Variants in NEU4 observed in about 807,000 individuals in gnomAD.
NEU4 encodes sialidase-4.
Under a neutral mutation model 9.9 loss-of-function variants are expected in NEU4, and 7 were observed. That is an observed-to-expected ratio of 0.71 (90% CI 0.40 to 1.33). NEU4 has a LOEUF of 1.33. Among genes scored for constraint, NEU4 ranks in the 40% most tolerant of loss-of-function variants. The pLI is 0.01. For missense variants in NEU4, 717 were observed against 712.6 expected, an observed-to-expected ratio of 1.01 and a Z score of -0.07; for synonymous variants, 348 against 316.9, an observed-to-expected ratio of 1.10 and a Z score of -1.04.
chr2:241,813,374 G>GC, intron 1 of NEU4: 1 of 1,045,244 alleles, frequency 9.6e-7, no homozygotes, highest in Non-Finnish European at 1.2e-6. Flanking sequence ...TGGGCGGCTG[G>GC]CCGTGGATCT....
At chr2:241,815,678 C>A in intron 3 of NEU4, 2 of 529,754 alleles carry the variant, frequency 3.8e-6, no homozygotes, top group South Asian at 3.6e-5. Flanking sequence ...TTCCCTCCAC[C>A]CCATCCTCTG....
At chr2:241,812,119 C>T (rs921720012) in intron 1 of NEU4, 3 of 144,372 alleles carry the variant, frequency 2.1e-5, no homozygotes, top group Non-Finnish European at 4.4e-5. Flanking sequence ...GTGTGCGGAC[C>T]CCAGAGGGTG....
rs1700037803 is a variant in NEU4, at chr2:241,809,194, C to T, written c.-84C>T. ...GGCGTGGACTCTGCCCTCAGCTTCA[C>T]AGTCACCGAAGAAATGAAGTTACAG... On this transcript the variant is annotated 5_prime_UTR_variant, in exon 1 of 4. Coordinates refer to ENST00000407683, the MANE Select transcript of NEU4 (RefSeq NM_001167600.3). 9 of 1,285,584 alleles carry T rather than the reference C, an allele frequency of 7.0e-6. No individual in the cohort carries two copies. Among genetic ancestry groups the T allele is most frequent in the Non-Finnish European group, 9.1e-6 (9 of 986,808 alleles). 79.6% of individuals were successfully genotyped at this position (1,285,584 alleles called of 1,614,324 possible). A position where few individuals can be genotyped will look rare whatever the true frequency, so the allele number is the denominator to read the frequency against.
At chr2:241,811,440 T>C (rs1306707580) in intron 1 of NEU4, 2 of 1,570,196 alleles carry the variant, frequency 1.3e-6, no homozygotes, top group South Asian at 2.3e-5. Flanking sequence ...TGATGAGCTC[T>C]GCAGCCTTCC....
In NEU4 at chr2:241,814,948, C is replaced by A. The variant is rs144006230; in HGVS notation, c.258C>A (p.Asn86Lys). ...TAALAEHRSMNPCPVHDAGTG... is the reference protein window; with the variant it reads ...TAALAEHRSMKPCPVHDAGTG... ...CCCTGGCGGAGCACCGGTCCATGAA[C>A]CCCTGCCCTGTGCACGATGCTGGCA... The change falls in exon 3 of 4, where the codon AAC becomes AAA. Residue 86 changes from asparagine (N) to lysine (K), a missense_variant. Physicochemically the swap from Asn to Lys is moderately conservative, Grantham distance 94. Transcript: ENST00000407683. 7 of 1,611,936 alleles carry A rather than the reference C, an allele frequency of 4.3e-6. No homozygotes were observed. The highest frequency in any genetic ancestry group is 1.3e-5 in the African/African-American group (1 of 74,918).
At chr2:241,813,357 C>A (rs1700189557) in intron 1 of NEU4, 2 of 1,051,620 alleles carry the variant, frequency 1.9e-6, no homozygotes, top group African/African-American at 1.7e-5. Context: ...GCCCCGTGTG[C>A]CCGGCCTGGG....
At chr2:241,809,365 C>T (rs34748986) in intron 1 of NEU4, 91 bp downstream of exon 1, 190,596 of 672,914 alleles carry the variant, frequency 0.28, 30,673 homozygotes, top group Non-Finnish European at 0.34. Flanking sequence ...ACAGCCTGTC[C>T]GGGCTGTGCA....
At position 241,817,079 on chromosome 2, in the gene NEU4, G is replaced by A; in HGVS notation, c.*31G>A. ...CTTCTGGCCGTGCCCATGCCCCTTG[G>A]GTGCCTGGGGCAGAGGGGTGGAATA... On this transcript the variant is annotated 3_prime_UTR_variant, in exon 4 of 4. Transcript: ENST00000407683. 6.5e-7 allele frequency: 1 copy of A among 1,527,276 alleles called. No individual in the cohort carries two copies. The highest frequency in any genetic ancestry group is 1.3e-5 in the South Asian group (1 of 76,768). 94.6% of individuals were successfully genotyped at this position (1,527,276 alleles called of 1,614,324 possible).
rs145897893 is a variant in NEU4 at position 241,816,884 on chromosome 2, G to T, written c.1291G>T (p.Gly431Trp). ...GGCGTCCATCGGGCCGGCCCCTGAG[G>T]GGGGCCTGGTTTTTGCCTGCCTGTA... is the stretch of plus-strand genomic sequence containing the variant. ...DLASIGPAPE[G>W]GLVFACLYES... Residue 431 changes from glycine (G) to tryptophan (W), a missense_variant, in exon 4 of 4, where the codon GGG becomes TGG. Transcript: ENST00000407683. 2.5e-6 allele frequency: 4 copies of T among 1,612,648 alleles called. No individual in the cohort carries two copies. The highest frequency in any genetic ancestry group is 3.3e-5 in the Admixed American group (2 of 59,982).
rs2293764 is a variant in NEU4 at position 241,816,853 on chromosome 2, C to T, written c.1260C>T (p.Ser420=). The T allele has an allele frequency of 0.14, 230,267 of 1,611,222 alleles. 18,606 individuals are homozygous for T. The highest frequency in any genetic ancestry group is 0.28 in the African/African-American group (21,249 of 74,994). The change falls in exon 4 of 4, where the codon TCC becomes TCT. Residue 420 remains serine, a synonymous_variant. Transcript: ENST00000407683. Reference sequence around the variant, plus strand: ...TCTACGAGGGCCCCAGCGGCTACTCCGACCTGGCGTCCATCGGGCCGGCCC... The same window carrying T: ...TCTACGAGGGCCCCAGCGGCTACTCTGACCTGGCGTCCATCGGGCCGGCCC... ...WVIYEGPSGY[S]DLASIGPAPE...
Position 241,814,547 on chromosome 2 carries a change from C to T in NEU4, c.63C>T (p.Thr21=), listed in dbSNP as rs769726332. 1.2e-6 allele frequency: 2 copies of T among 1,612,762 alleles called. No individual in the cohort carries two copies. The highest frequency in any genetic ancestry group is 1.1e-5 in the South Asian group (1 of 91,068). The stretch of plus-strand genomic sequence containing the variant: ...TCGAGCGGGAGAGGACGGGCCTGAC[C>T]TACCGCGTGCCCTCGCTGCTCCCCG... ...VLFERERTGL[T]YRVPSLLPVP... The change falls in exon 2 of 4, where the codon ACC becomes ACT. Residue 21 remains threonine, a synonymous_variant. Transcript: ENST00000407683.
At chr2:241,815,837 G>A (rs192274762) in intron 3 of NEU4, 7 of 605,662 alleles carry the variant, frequency 1.2e-5, no homozygotes, top group African/African-American at 1.9e-5. Flanking sequence ...CCTGGGTGCC[G>A]TCCACCTGGG....
At chr2:241,815,953 GGCACCA>G in intron 3 of NEU4, 92 bp from the exon 4 acceptor site, 1 of 1,238,404 alleles carries the variant, frequency 8.1e-7, no homozygotes, top group Non-Finnish European at 1.1e-6. Context: ...CCTAACCCGA[GGCACCA>G]GCCCCTCCTT....
At chr2:241,815,182 A>C (rs1198580984) in intron 3 of NEU4, 35 bp downstream of exon 3, 1 of 1,504,540 alleles carries the variant, frequency 6.6e-7, no homozygotes, top group African/African-American at 1.4e-5. Context: ...GGTCCCTTTG[A>C]TTGGCCACGG....
chr2:241,816,837 G>A lies in NEU4; in HGVS notation c.1244G>A (p.Gly415Asp). ...ACAGAGCCCTGGGTGATCTACGAGG[G>A]CCCCAGCGGCTACTCCGACCTGGCG... ...SWTEPWVIYE[G>D]PSGYSDLASI... The change falls in exon 4 of 4, where the codon GGC (glycine) becomes GAC (aspartate). Residue 415 changes from glycine (G) to aspartate (D), a missense_variant. Gly to Asp is a moderately conservative substitution (Grantham distance 94). Transcript: ENST00000407683. 1 of 1,610,952 alleles carries A rather than the reference G, an allele frequency of 6.2e-7. No individual in the cohort carries two copies.
At chr2:241,811,183 C>T (rs924501202) in intron 1 of NEU4, 55 of 1,230,980 alleles carry the variant, frequency 4.5e-5, no homozygotes, top group Admixed American at 1.3e-4. Flanking sequence ...GGCGCACCCC[C>T]GTGTCCTCAG....
At position 241,816,581 on chromosome 2, in the gene NEU4, C is replaced by A; in HGVS notation, c.988C>A (p.Pro330Thr). ...TGTAGACCCCCGTGGAGGCCAGGTG[C>A]CTGGTGGGCCCTTCAGCCGTCTGCA... ...AAVDPRGGQV[P>T]GGPFSRLQPR... is the part of the protein sequence containing the mutation. Residue 330 changes from proline (P) to threonine (T), a missense_variant, in exon 4 of 4, where the codon CCT becomes ACT. Transcript: ENST00000407683. The A allele has an allele frequency of 2.5e-6, 4 of 1,602,214 alleles. No individual in the cohort carries two copies. The Middle Eastern group carries it at 6.7e-4, about 270-fold the overall frequency.
intron 1 of NEU4, among the ~76,000 whole-genome samples, chr2:241,809,542 G>A (rs1238696096): frequency 6.6e-6 from 1 of 152,210 alleles, no homozygotes; most frequent in African/African-American, 2.4e-5. Context: ...GTTAAGGAAA[G>A]CTTCCCCCGG....
intron 1 of NEU4, chr2:241,811,573 G>T (rs1700118023): frequency 3.1e-6 from 3 of 977,408 alleles, no homozygotes; most frequent in Admixed American, 4.1e-5. Context: ...CTGTCTGGGG[G>T]TGCTGGACGA....
Sources: gnomAD v4.1 joint callset for allele counts (sites outside exome capture counted in the v4.1 genomes callset) on GRCh38, gnomAD v4.1.1 for gene constraint, MANE v1.5 for transcripts, NCBI Gene and HGNC (gene_info 2026-07-23, HGNC 2026-07-21) for gene names.